Variants in TANC1 observed in about 807,000 individuals in gnomAD.
TANC1 encodes the protein protein TANC1.
A neutral mutation model predicts 149.7 loss-of-function variants in TANC1; 77 were observed. The observed-to-expected ratio is 0.51, with a 90% CI of 0.43 to 0.62. The LOEUF is 0.62. TANC1 is among the 20% of genes least tolerant of loss of function. The pLI is 0.00. For synonymous variants in TANC1, 854 were observed against 925.0 expected (o/e 0.92, Z 1.39); for missense variants, 1,985 against 2,321.8 (o/e 0.85, Z 2.98).
chr2:159,210,768 A>C (rs953752802), intron 19 of TANC1, among the ~76,000 whole-genome samples: 1 of 152,224 alleles, frequency 6.6e-6, no homozygotes, highest in East Asian at 1.9e-4. Context: ...GGGTTTCACC[A>C]TGTTGGCCAG....
Position 159,045,628 on chromosome 2 carries a change from A to G in TANC1, c.-15-20268A>G, listed in dbSNP as rs1050803810. ...GCTTTATATTAATGACAATTCTATAATAGTCATTAATATTTGAGATATGTA... is the reference window on the plus strand; with the variant it reads ...GCTTTATATTAATGACAATTCTATAGTAGTCATTAATATTTGAGATATGTA... On this transcript the variant is annotated intron_variant, in intron 2 of 26. Transcript: ENST00000263635. 2.6e-5 allele frequency among the ~76,000 whole-genome samples: 4 copies of G among 152,186 alleles called. 1 individual carries two copies. The highest frequency in any genetic ancestry group is 6.5e-5 in the Admixed American group (1 of 15,284).
Position 159,231,035 on chromosome 2 carries a change from G to A in TANC1, c.*23G>A, listed in dbSNP as rs187010792. 3.3e-4 allele frequency: 512 copies of A among 1,538,314 alleles called. No individual in the cohort carries two copies. The highest frequency in any genetic ancestry group is 4.2e-4 in the Non-Finnish European group (480 of 1,136,530). On this transcript the variant is annotated 3_prime_UTR_variant, in exon 27 of 27. Transcript: ENST00000263635. ...TGAACCTTAAGAAATCCCCATTTGT[G>A]GAATTTGGAAACGTGTGTTGACTCC...
Position 159,227,857 on chromosome 2 carries a change from T to G in TANC1, c.3942T>G (p.Tyr1314Ter). The G allele has an allele frequency of 6.2e-7, 1 of 1,614,204 alleles. No individual in the cohort carries two copies. The highest frequency in any genetic ancestry group is 8.5e-7 in the Non-Finnish European group (1 of 1,180,028). ...KMKEAAQRYQ[Y>*]ALRKFPREGF... ...AAGAGGCAGCCCAGAGGTACCAGTA[T>G]GCCTTAAGAAAGTTTCCTCGAGAAG... Residue 1314 changes from tyrosine to a stop codon, truncating the protein, a stop_gained, in exon 25 of 27, where the codon TAT (tyrosine) becomes TAG (stop). Transcript: ENST00000263635. LOFTEE classifies it high-confidence loss of function.
intron 4 of TANC1, among the ~76,000 whole-genome samples, chr2:159,133,654 T>C (rs1268455471): frequency 6.6e-6 from 1 of 151,986 alleles, no homozygotes. Flanking sequence ...TGGATATATA[T>C]ATATGTTGTA....
chr2:159,150,681 C>A, intron 7 of TANC1, 125 bp downstream of exon 7: 2 of 686,652 alleles, frequency 2.9e-6, no homozygotes, highest in South Asian at 1.8e-5. Flanking sequence ...CTGCTCTGTT[C>A]TTTGCAGGCA....
rs528621769 is a variant in TANC1 at position 158,970,469 on chromosome 2, T to G, written c.-126+1687T>G. On this transcript the variant is annotated intron_variant, in intron 1 of 26. Transcript: ENST00000263635. ...TTATGAGCGGCTGAGACTACTTCATTATAGAAGTAGTCTGAGTGTTTTACT... is the reference window on the plus strand; with the variant it reads ...TTATGAGCGGCTGAGACTACTTCATGATAGAAGTAGTCTGAGTGTTTTACT... Among the ~76,000 whole-genome samples the G allele has an allele frequency of 3.9e-5, 6 of 152,218 alleles. No individual in the cohort carries two copies. In the South Asian group the frequency reaches 8.3e-4, roughly 21 times the overall value.
chr2:159,024,244 T>C (rs2039070549), intron 2 of TANC1, among the ~76,000 whole-genome samples: 1 of 152,254 alleles, frequency 6.6e-6, no homozygotes, highest in East Asian at 1.9e-4. Context: ...AAAATCCCTA[T>C]TGCCTAGTGA....
intron 2 of TANC1, among the ~76,000 whole-genome samples, chr2:159,018,742 C>T (rs562600703): frequency 5.3e-5 from 8 of 151,354 alleles, no homozygotes; most frequent in Non-Finnish European, 1.2e-4. Flanking sequence ...ATCTCATATT[C>T]GTCCCTTTGT....
intron 7 of TANC1, among the ~76,000 whole-genome samples, chr2:159,159,730 GA>G (rs2053841352): frequency 1.5e-5 from 1 of 67,994 alleles, no homozygotes; most frequent in African/African-American, 4.1e-5. Context: ...GAGAGAGAGA[GA>G]GAGAGAGAGA....
At chr2:159,120,600 T>C (rs549007572) in intron 4 of TANC1, among the ~76,000 whole-genome samples, 5 of 152,332 alleles carry the variant, frequency 3.3e-5, no homozygotes, top group Non-Finnish European at 4.4e-5. Context: ...AAAATTTTAA[T>C]TATTTTTAGA....
At chr2:159,138,303 G>T (rs910293746) in intron 5 of TANC1, among the ~76,000 whole-genome samples, 1 of 152,094 alleles carries the variant, frequency 6.6e-6, no homozygotes, top group Admixed American at 6.5e-5. Context: ...ACGTCTGTGG[G>T]TGCATGGTCT....
intron 2 of TANC1, among the ~76,000 whole-genome samples, chr2:159,037,685 G>A (rs1388096734): frequency 6.6e-6 from 1 of 152,160 alleles, no homozygotes; most frequent in Admixed American, 6.5e-5. Flanking sequence ...TGTCATTTCT[G>A]AGGCCTCTGT....
intron 2 of TANC1, among the ~76,000 whole-genome samples, chr2:159,039,890 A>T (rs2040492508): frequency 6.6e-6 from 1 of 152,194 alleles, no homozygotes; most frequent in African/African-American, 2.4e-5. Flanking sequence ...AGCTGAGTTC[A>T]AGTCCTGGCT....
At chr2:159,006,849 A>G (rs1420029680) in intron 2 of TANC1, among the ~76,000 whole-genome samples, 1 of 152,212 alleles carries the variant, frequency 6.6e-6, no homozygotes, top group South Asian at 2.1e-4. Flanking sequence ...CCATCTGTCT[A>G]AAAATATTGG....
intron 18 of TANC1, among the ~76,000 whole-genome samples, chr2:159,197,376 T>G (rs2150726297): frequency 6.6e-6 from 1 of 152,376 alleles, no homozygotes. Flanking sequence ...CTTGGCTTTC[T>G]TTATCTGTGA....
At chr2:159,118,902 C>T (rs1338485126) in intron 4 of TANC1, among the ~76,000 whole-genome samples, 1 of 152,160 alleles carries the variant, frequency 6.6e-6, no homozygotes, top group Admixed American at 6.5e-5. Flanking sequence ...AAAAGAGAAG[C>T]TACCTCCTAA....
intron 1 of TANC1, among the ~76,000 whole-genome samples, chr2:159,000,101 G>A (rs926284918): frequency 6.6e-6 from 1 of 152,156 alleles, no homozygotes; most frequent in Non-Finnish European, 1.5e-5. Flanking sequence ...GCGTTTCAAG[G>A]GAGTAGCCAG....
intron 4 of TANC1, among the ~76,000 whole-genome samples, chr2:159,131,026 G>A (rs1314267540): frequency 6.6e-6 from 1 of 151,708 alleles, no homozygotes; most frequent in East Asian, 2.0e-4. Flanking sequence ...TTGGGGTGGG[G>A]GGTCCCCAAC....
intron 8 of TANC1, among the ~76,000 whole-genome samples, chr2:159,165,451 G>A (rs2054491196): frequency 6.6e-6 from 1 of 152,180 alleles, no homozygotes; most frequent in Non-Finnish European, 1.5e-5. Context: ...ATTTTGAAAG[G>A]ACGTGAGCAA....
Sources: gnomAD v4.1 joint callset for allele counts (sites outside exome capture counted in the v4.1 genomes callset) on GRCh38, gnomAD v4.1.1 for gene constraint, MANE v1.5 for transcripts, NCBI Gene and HGNC (gene_info 2026-07-23, HGNC 2026-07-21) for gene names.